The following CFAP77 variants were observed in gnomAD, a reference collection of about 807,000 sequenced individuals.
The protein encoded by CFAP77 is cilia and flagella associated protein 77.
A neutral mutation model predicts 31.1 loss-of-function variants in CFAP77; 25 were observed. The observed-to-expected ratio is 0.80, with a 90% CI of 0.59 to 1.12. The LOEUF (loss-of-function observed/expected upper bound fraction) is 1.12, where lower values mean the gene tolerates loss of function less well. Among genes scored for constraint, CFAP77 ranks in the 50% most tolerant of loss-of-function variants. The pLI, the probability that CFAP77 is intolerant of heterozygous loss-of-function variation, is 0.00. For synonymous variants in CFAP77, 151 were observed against 159.9 expected, an observed-to-expected ratio of 0.94 and a Z score of 0.42; for missense variants, 377 against 397.3, an observed-to-expected ratio of 0.95 and a Z score of 0.44.
intron 1 of CFAP77, among the ~76,000 whole-genome samples, chr9:132,429,293 C>T (rs1480659443): frequency 6.6e-6 from 1 of 152,026 alleles, no homozygotes; most frequent in Non-Finnish European, 1.5e-5. Context: ...GTAAACCCAG[C>T]ACTTTGGGAG....
chr9:132,463,343 C>T (rs192322589), intron 1 of CFAP77, among the ~76,000 whole-genome samples: 8 of 152,156 alleles, frequency 5.3e-5, no homozygotes, highest in African/African-American at 7.2e-5. Flanking sequence ...AACCCAGAAA[C>T]GAGAGAAATG....
rs574345433 is a variant in CFAP77, at chr9:132,526,604, T to G, written c.525-10997T>G. Among the ~76,000 whole-genome samples, 84 of 131,332 alleles carry G rather than the reference T, an allele frequency of 6.4e-4. 7 individuals carry two copies. The highest frequency in any genetic ancestry group is 1.9e-3 in the South Asian group (7 of 3,720). 86.2% of individuals were successfully genotyped at this position (131,332 alleles called of 152,430 possible). On this transcript the variant is annotated intron_variant, in intron 3 of 5. Coordinates refer to ENST00000393216, the MANE Select transcript of CFAP77 (RefSeq NM_001282957.2). ...AGGATCAACAAAATTGATAGACAGC[T>G]AGCAAGACTAATAAAGAAAAAAAGA...
intron 1 of CFAP77, among the ~76,000 whole-genome samples, chr9:132,453,188 T>C (rs1850856105): frequency 6.6e-6 from 1 of 152,134 alleles, no homozygotes; most frequent in South Asian, 2.1e-4. Context: ...GGAGTAACAG[T>C]GATTCCTAAA....
At chr9:132,456,237 G>A (rs774812523) in intron 1 of CFAP77, among the ~76,000 whole-genome samples, 1 of 152,182 alleles carries the variant, frequency 6.6e-6, no homozygotes, top group Non-Finnish European at 1.5e-5. Context: ...GGGGAAGGCA[G>A]CTCAGAATGG....
chr9:132,429,144 G>T (rs1037518930), intron 1 of CFAP77, among the ~76,000 whole-genome samples: 7 of 151,862 alleles, frequency 4.6e-5, no homozygotes, highest in African/African-American at 2.4e-5. Flanking sequence ...TTCTCGGACT[G>T]CTAGAGATTG....
At chr9:132,494,620 T>C (rs893898399) in intron 1 of CFAP77, among the ~76,000 whole-genome samples, 10 of 152,118 alleles carry the variant, frequency 6.6e-5, no homozygotes, top group African/African-American at 2.2e-4. Context: ...TGTTGGGTTA[T>C]CGGACAGGCA....
intron 5 of CFAP77, among the ~76,000 whole-genome samples, chr9:132,562,016 C>T (rs1054025446): frequency 1.3e-5 from 2 of 152,204 alleles, no homozygotes; most frequent in Non-Finnish European, 2.9e-5. Flanking sequence ...GGTGAATTTA[C>T]GCCCCCATGA....
At chr9:132,477,768 T>C (rs1414492466) in intron 1 of CFAP77, among the ~76,000 whole-genome samples, 2 of 152,092 alleles carry the variant, frequency 1.3e-5, no homozygotes, top group Non-Finnish European at 2.9e-5. Context: ...AGTAGGGAAC[T>C]GGGCCAAACT....
rs1829878109 is a variant in CFAP77, at chr9:132,565,814, G to A, written c.733-6574G>A. On this transcript the variant is annotated intron_variant, in intron 5 of 5. Transcript: ENST00000393216. The surrounding 1 kb of genome is among the most constrained non-coding windows in gnomAD (Gnocchi z 4.1). ...TATTTCTGCGATGCCATTTAGATTT[G>A]TGCAATGCTCCCCATTCTAACAGGA... 6.6e-6 allele frequency among the ~76,000 whole-genome samples: 1 copy of A among 152,122 alleles called. No individual in the cohort carries two copies. Among genetic ancestry groups the A allele is most frequent in the Admixed American group, 6.5e-5 (1 of 15,280 alleles).
intron 5 of CFAP77, among the ~76,000 whole-genome samples, chr9:132,561,582 C>A (rs909780279): frequency 5.6e-5 from 8 of 143,386 alleles, no homozygotes; most frequent in Non-Finnish European, 1.1e-4. Flanking sequence ...GATTTGGTTT[C>A]TTCTGGCCAT....
intron 1 of CFAP77, among the ~76,000 whole-genome samples, chr9:132,462,730 T>C (rs540185016): frequency 1.3e-5 from 2 of 152,112 alleles, no homozygotes; most frequent in South Asian, 4.2e-4. Context: ...GCAAGAGAAT[T>C]GCTTGAACCT....
rs1379697397 is a variant in CFAP77, at chr9:132,486,026, ATATATATATATATATG to A, written c.196-12665_196-12650del. Among the ~76,000 whole-genome samples, 16 of 26,778 alleles carry A rather than the reference ATATATATATATATATG, an allele frequency of 6.0e-4. 1 individual carries two copies. The highest frequency in any genetic ancestry group is 3.3e-3 in the African/African-American group (11 of 3,362). 17.6% of individuals were successfully genotyped at this position (26,778 alleles called of 152,430 possible). On this transcript the variant is annotated intron_variant, in intron 1 of 5. Transcript: ENST00000393216. ...TATATATATATATATATATATATAT[ATATATATATATATATG>A]TATGTATATGTATGTGTGTGTGTGT...
At chr9:132,410,526 G>T in intron 1 of CFAP77, 60 bp downstream of exon 1, 5 of 1,422,096 alleles carry the variant, frequency 3.5e-6, no homozygotes, top group Non-Finnish European at 4.7e-6. Context: ...CTGCGCCGCC[G>T]GGGGTCCCCA....
intron 1 of CFAP77, among the ~76,000 whole-genome samples, chr9:132,452,083 G>A (rs1564208818): frequency 6.6e-6 from 1 of 152,178 alleles, no homozygotes; most frequent in Non-Finnish European, 1.5e-5. Context: ...GATTATAGGT[G>A]TGAGCCACCG....
chr9:132,467,266 C>T (rs1375993860), intron 1 of CFAP77, among the ~76,000 whole-genome samples: 2 of 152,174 alleles, frequency 1.3e-5, no homozygotes, highest in Admixed American at 1.3e-4. Flanking sequence ...TAAGTACCTT[C>T]ACATCGTTTG....
Position 132,554,939 on chromosome 9 carries a change from CCCATCCATCCATCCATCCATCCATCCAT to C in CFAP77, c.732+11915_732+11942del, listed in dbSNP as rs113226727. On this transcript the variant is annotated intron_variant, in intron 5 of 5. Transcript: ENST00000393216. The surrounding 1 kb of genome is among the most constrained non-coding windows in gnomAD (Gnocchi z 4.1). ...ATGCATGCATGCATCCATCCATCCA[CCCATCCATCCATCCATCCATCCATCCAT>C]CCATCCATCCATCCATCCATCCTCA... Among the ~76,000 whole-genome samples, 7 of 146,686 alleles carry C rather than the reference CCCATCCATCCATCCATCCATCCATCCAT, an allele frequency of 4.8e-5. No individual in the cohort carries two copies. In the East Asian group the frequency reaches 1.4e-3, roughly 30 times the overall value.
intron 4 of CFAP77, among the ~76,000 whole-genome samples, chr9:132,542,420 G>T (rs975118517): frequency 4.9e-4 from 74 of 152,332 alleles, no homozygotes; most frequent in African/African-American, 1.7e-3. Flanking sequence ...GGAGCAGAGG[G>T]GCTTCCACTG....
At chr9:132,465,002 A>G (rs1851124713) in intron 1 of CFAP77, among the ~76,000 whole-genome samples, 1 of 141,684 alleles carries the variant, frequency 7.1e-6, no homozygotes, top group South Asian at 2.5e-4. Context: ...TGAACCTGGG[A>G]GGTGGAGGTT....
chr9:132,537,705 A>C lies in CFAP77; in HGVS notation c.629A>C (p.Lys210Thr), dbSNP rs1209181434. The change falls in exon 4 of 6, where the codon AAG becomes ACG. Residue 210 changes from lysine to threonine, a missense_variant and splice_region_variant. Lys to Thr is a moderately conservative substitution (Grantham distance 78, BLOSUM62 -1). Transcript: ENST00000393216. Reference protein sequence around the residue: ...QKAIKLEKKQKVVLGKLYETR... With the variant: ...QKAIKLEKKQTVVLGKLYETR... ...GCCATCAAACTGGAGAAGAAGCAGA[A>C]GGTAAATGCAGCCCTCGCTCCCAAG... The C allele has an allele frequency of 6.2e-7, 1 of 1,611,452 alleles. No homozygotes were observed. The highest frequency in any genetic ancestry group is 1.1e-5 in the South Asian group (1 of 90,796).
Sources: allele counts gnomAD v4.1 joint callset (sites outside exome capture counted in the v4.1 genomes callset), GRCh38; gene constraint gnomAD v4.1.1; non-coding constraint Gnocchi (gnomAD v3.1); transcripts MANE v1.5; gene names NCBI Gene and HGNC (gene_info 2026-07-23, HGNC 2026-07-21).